Variants in GNG7 observed in about 807,000 individuals in gnomAD.
The protein encoded by GNG7 is G protein subunit gamma 7.
A neutral mutation model predicts 4.0 loss-of-function variants in GNG7; 1 was observed. The ratio of observed to expected loss-of-function variants is 0.25; its 90% CI spans 0.09 to 1.18. The LOEUF is 1.18. Ranked by LOEUF, GNG7 falls within the 50% of genes most tolerant of loss-of-function variation. The pLI is 0.50. For missense variants in GNG7, 86 were observed against 91.9 expected (o/e 0.94, Z 0.26); for synonymous variants, 34 against 36.9 (o/e 0.92, Z 0.29).
chr19:2,684,352 G>C (rs1226854274), intron 1 of GNG7, among the ~76,000 whole-genome samples: 3 of 151,476 alleles, frequency 2.0e-5, no homozygotes, highest in African/African-American at 7.3e-5. Context: ...GGCCAGGATG[G>C]TCTCGATCTC....
At chr19:2,612,464 C>T (rs1279584735) in intron 2 of GNG7, among the ~76,000 whole-genome samples, 1 of 152,098 alleles carries the variant, frequency 6.6e-6, no homozygotes, top group Non-Finnish European at 1.5e-5. Flanking sequence ...GGTGACCCAG[C>T]CTGGGAGAGG....
intron 2 of GNG7, among the ~76,000 whole-genome samples, chr19:2,637,894 A>G (rs972662145): frequency 6.6e-6 from 1 of 150,576 alleles, no homozygotes; most frequent in Non-Finnish European, 1.5e-5. Context: ...TCCGCGTCCC[A>G]TGATCCTCTG....
chr19:2,574,828 C>T (rs774528183), intron 2 of GNG7, among the ~76,000 whole-genome samples: 6 of 152,206 alleles, frequency 3.9e-5, no homozygotes, highest in African/African-American at 1.2e-4. Context: ...CCACCAGCCA[C>T]GCACGAGGGT....
At chr19:2,558,877 C>T (rs1979649217) in intron 2 of GNG7, among the ~76,000 whole-genome samples, 1 of 151,778 alleles carries the variant, frequency 6.6e-6, no homozygotes, top group South Asian at 2.1e-4. Flanking sequence ...CTGCTCACTG[C>T]AACCTCTGCC....
rs935833011 is a variant in GNG7, at chr19:2,553,768, A to G, written c.-38+1381T>C. On this transcript the variant is annotated intron_variant, in intron 3 of 4. Coordinates refer to ENST00000382159, the MANE Select transcript of GNG7 (RefSeq NM_052847.3). ...TATATTACATATATGCACATATTGC[A>G]TGTAATGTTATATCACACACATGTA... 2.5e-4 allele frequency among the ~76,000 whole-genome samples: 37 copies of G among 147,872 alleles called. 1 individual carries two copies. Among genetic ancestry groups the G allele is most frequent in the African/African-American group, 8.7e-4 (35 of 40,236 alleles).
intron 2 of GNG7, among the ~76,000 whole-genome samples, chr19:2,637,356 G>T (rs907431641): frequency 1.4e-4 from 21 of 152,010 alleles, no homozygotes; most frequent in African/African-American, 4.4e-4. Context: ...CGGCGCACCT[G>T]CTCTCCTGGA....
chr19:2,566,582 G>T (rs1007956975), intron 2 of GNG7, among the ~76,000 whole-genome samples: 2 of 152,144 alleles, frequency 1.3e-5, no homozygotes, highest in Non-Finnish European at 2.9e-5. Context: ...ATGGTCGGGG[G>T]ACACCTCCTT....
chr19:2,657,399 T>TATATATATATATATACAC (rs1332253018), intron 1 of GNG7, among the ~76,000 whole-genome samples: 16 of 80,728 alleles, frequency 2.0e-4, no homozygotes, highest in South Asian at 3.3e-4. Flanking sequence ...TATATATATA[T>TATATATATATATATACAC]ACACATAATA....
chr19:2,685,375 G>A (rs1401885001), intron 1 of GNG7, among the ~76,000 whole-genome samples: 1 of 151,758 alleles, frequency 6.6e-6, no homozygotes, highest in African/African-American at 2.4e-5. Flanking sequence ...TGTAATCTCA[G>A]CACTTTGGGA....
At chr19:2,648,701 C>A (rs148646496) in intron 1 of GNG7, among the ~76,000 whole-genome samples, 511 of 152,224 alleles carry the variant, frequency 3.4e-3, no homozygotes, top group Non-Finnish European at 5.2e-3. Flanking sequence ...TGGAATCTTG[C>A]AGGATCTGCT....
intron 2 of GNG7, among the ~76,000 whole-genome samples, chr19:2,568,976 A>AAC (rs76677584): frequency 0.45 from 68,076 of 151,826 alleles, 17,558 homozygotes; most frequent in Non-Finnish European, 0.58. Context: ...TGTGCACAAA[A>AAC]ACATACACAT....
In GNG7 at chr19:2,653,471, C is replaced by G. The variant is rs1982882347; in HGVS notation, c.-134-7191G>C. ...GGAGGGAGGAGGAGAATCCCAGGAGCTGGGGGGCCCCCCTGGTTTATACCG... is the reference window on the plus strand; with the variant it reads ...GGAGGGAGGAGGAGAATCCCAGGAGGTGGGGGGCCCCCCTGGTTTATACCG... On this transcript the variant is annotated intron_variant, in intron 1 of 4. Coordinates refer to ENST00000382159, the MANE Select transcript of GNG7 (RefSeq NM_052847.3). This position sits in a 1 kb window ranked among gnomAD's most constrained non-coding sequence, Gnocchi z 4.8. Among the ~76,000 whole-genome samples, 1 of 151,590 alleles carries G rather than the reference C, an allele frequency of 6.6e-6. No individual in the cohort carries two copies. The highest frequency in any genetic ancestry group is 1.5e-5 in the Non-Finnish European group (1 of 67,994).
At chr19:2,544,949 C>T (rs1979076752) in intron 3 of GNG7, among the ~76,000 whole-genome samples, 1 of 152,224 alleles carries the variant, frequency 6.6e-6, no homozygotes, top group Non-Finnish European at 1.5e-5. Context: ...CCTACCCACA[C>T]TAGAATAAGC....
At chr19:2,697,872 T>G (rs1011425038) in intron 1 of GNG7, among the ~76,000 whole-genome samples, 1 of 151,960 alleles carries the variant, frequency 6.6e-6, no homozygotes, top group African/African-American at 2.4e-5. Context: ...CTCGGGAGGC[T>G]GGGGCAGGAG....
chr19:2,512,799 T>G lies in GNG7; in HGVS notation c.*2223A>C. On this transcript the variant is annotated 3_prime_UTR_variant, in exon 5 of 5. Coordinates refer to ENST00000382159, the MANE Select transcript of GNG7 (RefSeq NM_052847.3). This position sits in a 1 kb window ranked among gnomAD's most constrained non-coding sequence, Gnocchi z 4.7. ...TGTTCCCAGTTACCAAGATGGCTTG[T>G]TGGAAAGGGTGGAGGCAGGCGGGCT... 1 of 644,680 alleles carries G rather than the reference T, an allele frequency of 1.6e-6. No individual in the cohort carries two copies. The allele number at this position is 644,680 out of a possible 1,614,324, so 39.9% of individuals were successfully genotyped here. A position where few individuals can be genotyped will look rare whatever the true frequency, so the allele number is the denominator to read the frequency against.
intron 2 of GNG7, among the ~76,000 whole-genome samples, chr19:2,558,286 G>C (rs1979631319): frequency 6.6e-6 from 1 of 150,654 alleles, no homozygotes; most frequent in African/African-American, 2.4e-5. Flanking sequence ...ACCCAGGCTG[G>C]AGTGCAATGG....
chr19:2,521,288 T>A (rs530324431), intron 3 of GNG7, among the ~76,000 whole-genome samples: 1 of 149,994 alleles, frequency 6.7e-6, no homozygotes, highest in South Asian at 2.1e-4. Context: ...AAAGAAAAAA[T>A]AAAGAAAGGG....
chr19:2,690,813 C>T (rs969707337), intron 1 of GNG7, among the ~76,000 whole-genome samples: 1 of 152,122 alleles, frequency 6.6e-6, no homozygotes, highest in Non-Finnish European at 1.5e-5. Flanking sequence ...AGGCTGGTCT[C>T]GAACTTCTGA....
chr19:2,646,011 T>C (rs1202114599), intron 2 of GNG7, among the ~76,000 whole-genome samples: 1 of 152,034 alleles, frequency 6.6e-6, no homozygotes, highest in Non-Finnish European at 1.5e-5. Context: ...AGTGCCACGT[T>C]CCCTGCCTCG....
Sources: allele counts gnomAD v4.1 joint callset (sites outside exome capture counted in the v4.1 genomes callset), GRCh38; gene constraint gnomAD v4.1.1; non-coding constraint Gnocchi (gnomAD v3.1); transcripts MANE v1.5; gene names NCBI Gene and HGNC (gene_info 2026-07-23, HGNC 2026-07-21).